The following EXOC4 variants were observed in gnomAD, a reference collection of about 807,000 sequenced individuals.
The protein encoded by EXOC4 is exocyst complex component 4, also known as SEC8-like 1.
A neutral mutation model predicts 107.2 loss-of-function variants in EXOC4; 71 were observed. The observed-to-expected ratio is 0.66, with a 90% CI of 0.55 to 0.81. EXOC4 has a LOEUF of 0.81. Among genes scored for constraint, EXOC4 ranks in the 30% least tolerant of loss-of-function variants. EXOC4 has a pLI of 0.00. For synonymous variants in EXOC4, 456 were observed against 441.2 expected (o/e 1.03, Z -0.42); for missense variants, 1,108 against 1,189.6 (o/e 0.93, Z 1.01).
chr7:133,376,150 T>C (rs1017943156), intron 7 of EXOC4, among the ~76,000 whole-genome samples: 2 of 152,186 alleles, frequency 1.3e-5, no homozygotes, highest in Non-Finnish European at 2.9e-5. Flanking sequence ...TTGAATGGAT[T>C]GATTCCTGGT....
At chr7:133,500,011 A>G (rs538338289) in intron 9 of EXOC4, among the ~76,000 whole-genome samples, 11 of 152,212 alleles carry the variant, frequency 7.2e-5, no homozygotes, top group African/African-American at 2.4e-4. Context: ...AAAAAAAAAC[A>G]TGGCTCATGG....
At chr7:133,469,746 A>T (rs1333869345) in intron 7 of EXOC4, among the ~76,000 whole-genome samples, 1 of 152,198 alleles carries the variant, frequency 6.6e-6, no homozygotes, top group East Asian at 1.9e-4. Context: ...TATGGAAAAC[A>T]TTTAAAGTTT....
At chr7:133,980,624 A>G (rs1009861185) in intron 14 of EXOC4, among the ~76,000 whole-genome samples, 9 of 152,256 alleles carry the variant, frequency 5.9e-5, no homozygotes, top group African/African-American at 1.9e-4. Context: ...GAGAATACTC[A>G]TATCCTTTTA....
intron 5 of EXOC4, among the ~76,000 whole-genome samples, chr7:133,345,083 TG>T (rs367990591): frequency 6.8e-4 from 104 of 152,286 alleles, no homozygotes; most frequent in Middle Eastern, 3.4e-3. Context: ...CAACCACCTT[TG>T]TCAGCCTGAG....
rs1796154891 is a variant in EXOC4, at chr7:134,065,177, G to C, written c.*649G>C. ...TGCTGTATCTTGTACACAGGTTGTA[G>C]GTTGGTTTATTGCCATTTTGTTTTA... On this transcript the variant is annotated 3_prime_UTR_variant, in exon 18 of 18. Transcript: ENST00000253861. 1 of 152,522 alleles carries C rather than the reference G, an allele frequency of 6.6e-6. No homozygotes were observed. Among genetic ancestry groups the C allele is most frequent in the South Asian group, 2.1e-4 (1 of 4,820 alleles). The allele number at this position is 152,522 out of a possible 1,614,324, so 9.4% of individuals were successfully genotyped here. A position where few individuals can be genotyped will look rare whatever the true frequency, so the allele number is the denominator to read the frequency against.
At chr7:133,322,885 T>C (rs1302174995) in intron 5 of EXOC4, among the ~76,000 whole-genome samples, 1 of 152,234 alleles carries the variant, frequency 6.6e-6, no homozygotes, top group Non-Finnish European at 1.5e-5. Context: ...TCCTCTCTTA[T>C]TTCCTTGAGC....
At chr7:133,523,888 G>A (rs1170478088) in intron 9 of EXOC4, among the ~76,000 whole-genome samples, 12 of 151,882 alleles carry the variant, frequency 7.9e-5, no homozygotes, top group South Asian at 2.1e-4. Flanking sequence ...ATTGTGAATA[G>A]TGCCGCAATA....
chr7:133,984,933 A>AT (rs1794079428), intron 14 of EXOC4, among the ~76,000 whole-genome samples: 1 of 152,216 alleles, frequency 6.6e-6, no homozygotes, highest in Non-Finnish European at 1.5e-5. Flanking sequence ...GCAGCAGGAG[A>AT]AAGTATGGTT....
At chr7:133,631,007 G>T (rs148863604) in intron 10 of EXOC4, among the ~76,000 whole-genome samples, 1 of 152,112 alleles carries the variant, frequency 6.6e-6, no homozygotes, top group Non-Finnish European at 1.5e-5. Flanking sequence ...AACCATGTGC[G>T]CATAGTTAAC....
intron 7 of EXOC4, among the ~76,000 whole-genome samples, chr7:133,391,542 G>T (rs751106096): frequency 1.4e-4 from 22 of 152,168 alleles, no homozygotes; most frequent in Non-Finnish European, 2.9e-4. Flanking sequence ...GTCCCAAGCA[G>T]AGCATCTGCT....
At chr7:133,608,208 A>G (rs1420808832) in intron 9 of EXOC4, among the ~76,000 whole-genome samples, 2 of 152,206 alleles carry the variant, frequency 1.3e-5, no homozygotes, top group Non-Finnish European at 2.9e-5. Flanking sequence ...GAAAACAGCA[A>G]TGGAAATACA....
intron 7 of EXOC4, among the ~76,000 whole-genome samples, chr7:133,438,710 T>G (rs1010929036): frequency 1.3e-5 from 2 of 152,238 alleles, no homozygotes; most frequent in African/African-American, 2.4e-5. Flanking sequence ...TCCTTTATCT[T>G]AAACGCAGCA....
At chr7:133,260,280 T>TG (rs1359451535) in intron 1 of EXOC4, among the ~76,000 whole-genome samples, 1 of 152,064 alleles carries the variant, frequency 6.6e-6, no homozygotes, top group African/African-American at 2.4e-5. Flanking sequence ...GTTTTTTTTT[T>TG]TTTGTTTTTT....
intron 10 of EXOC4, among the ~76,000 whole-genome samples, chr7:133,672,118 G>A (rs1274305865): frequency 6.6e-6 from 1 of 152,140 alleles, no homozygotes; most frequent in African/African-American, 2.4e-5. Context: ...CAGGCCAGGC[G>A]TGGTGGCTCA....
chr7:133,817,595 T>G, intron 11 of EXOC4, 51 bp downstream of exon 11: 1 of 1,327,264 alleles, frequency 7.5e-7, no homozygotes, highest in Non-Finnish European at 1.1e-6. Context: ...TTCATTGACT[T>G]GGCAAGTGTC....
chr7:133,283,962 A>G (rs750043799), intron 2 of EXOC4, among the ~76,000 whole-genome samples: 10 of 152,104 alleles, frequency 6.6e-5, no homozygotes, highest in Non-Finnish European at 1.2e-4. Context: ...AACATTTTTC[A>G]TGACTGTGAC....
At chr7:133,936,763 G>A (rs1800312801) in intron 13 of EXOC4, among the ~76,000 whole-genome samples, 2 of 152,136 alleles carry the variant, frequency 1.3e-5, no homozygotes, top group African/African-American at 4.8e-5. Context: ...GGGTTCAAGC[G>A]ATTCTCCTGC....
chr7:133,739,752 T>A (rs1236242630), intron 10 of EXOC4, among the ~76,000 whole-genome samples: 1 of 152,190 alleles, frequency 6.6e-6, no homozygotes, highest in African/African-American at 2.4e-5. Flanking sequence ...GAAATGCAGT[T>A]CAGCCTGGCC....
chr7:133,928,785 A>G (rs954084292), intron 13 of EXOC4, among the ~76,000 whole-genome samples: 4 of 152,140 alleles, frequency 2.6e-5, no homozygotes, highest in Non-Finnish European at 4.4e-5. Flanking sequence ...TGGAGCTCAG[A>G]GGAGGGGGTC....
Sources: gnomAD v4.1 joint callset for allele counts (sites outside exome capture counted in the v4.1 genomes callset) on GRCh38, gnomAD v4.1.1 for gene constraint, MANE v1.5 for transcripts, NCBI Gene and HGNC (gene_info 2026-07-23, HGNC 2026-07-21) for gene names.